ATP6V1G1: variants seen among roughly 807,000 people sequenced by gnomAD.
ATP6V1G1 encodes ATPase H+ transporting V1 subunit G1.
In ATP6V1G1, 14 loss-of-function variants were observed where a neutral mutation model predicts 14.2. That is an observed-to-expected ratio of 0.99 (90% CI 0.65 to 1.55). ATP6V1G1 has a LOEUF of 1.55. Ranked by LOEUF, ATP6V1G1 falls within the 40% of genes most tolerant of loss-of-function variation. The pLI, the probability that ATP6V1G1 is intolerant of heterozygous loss-of-function variation, is 0.00. For missense variants in ATP6V1G1, 137 were observed against 146.4 expected, an observed-to-expected ratio of 0.94 and a Z score of 0.33; for synonymous variants, 65 against 53.3, an observed-to-expected ratio of 1.22 and a Z score of -0.96.
At position 114,598,778 on chromosome 9, in the gene ATP6V1G1, T is replaced by A. The variant is rs1340783229; in HGVS notation, c.*1035T>A. On this transcript the variant is annotated 3_prime_UTR_variant, in exon 3 of 3. Coordinates refer to ENST00000374050, the MANE Select transcript of ATP6V1G1 (RefSeq NM_004888.4). ...GCCATCTTAGCCGAAAGTCTTTGGT[T>A]GCAAAATCTTATAGGTAAAAACAGT... Among the ~76,000 whole-genome samples, 1 of 152,188 alleles carries A rather than the reference T, an allele frequency of 6.6e-6. No individual in the cohort carries two copies. The highest frequency in any genetic ancestry group is 2.4e-5 in the African/African-American group (1 of 41,442).
rs549762322 is a variant in ATP6V1G1 at position 114,598,253 on chromosome 9, A to G, written c.*510A>G. 28 of 152,746 alleles carry G rather than the reference A, an allele frequency of 1.8e-4. No homozygotes were observed. The highest frequency in any genetic ancestry group is 2.9e-5 in the Non-Finnish European group (2 of 68,030). 9.5% of individuals were successfully genotyped at this position (152,746 alleles called of 1,614,324 possible). A position where few individuals can be genotyped will look rare whatever the true frequency, so the allele number is the denominator to read the frequency against. ...GGTTAGAACAGTGAATACTAGTGGA[A>G]TTGTTTGGGCTGCTTTTAGTTTCTC... On this transcript the variant is annotated 3_prime_UTR_variant, in exon 3 of 3. Coordinates refer to ENST00000374050, the MANE Select transcript of ATP6V1G1 (RefSeq NM_004888.4).
intron 1 of ATP6V1G1, among the ~76,000 whole-genome samples, chr9:114,588,518 T>TGTG (rs918738274): frequency 2.8e-5 from 4 of 141,186 alleles, no homozygotes; most frequent in African/African-American, 1.2e-4. Flanking sequence ...GCAGTGTGTG[T>TGTG]GTGTGTGTGT....
intron 1 of ATP6V1G1, among the ~76,000 whole-genome samples, chr9:114,590,210 AAAAC>A (rs1163737258): frequency 1.3e-5 from 2 of 151,416 alleles, no homozygotes; most frequent in African/African-American, 4.8e-5. Flanking sequence ...AAAAAAAAAA[AAAAC>A]AAAAAACAAA....
Position 114,592,605 on chromosome 9 carries a change from C to T in ATP6V1G1, c.136C>T (p.Gln46Ter), listed in dbSNP as rs1236485430. 2 of 1,577,586 alleles carry T rather than the reference C, an allele frequency of 1.3e-6. No homozygotes were observed. Among genetic ancestry groups the T allele is most frequent in the Admixed American group, 3.7e-5 (2 of 54,774 alleles). ...AGAAGAAGCTCAGGCTGAAATTGAA[C>T]AGTACCGCCTGCAGAGGGAGAAAGA... ...AKEEAQAEIEQYRLQREKEFK... is the reference protein window; with the variant it reads ...AKEEAQAEIE Residue 46 changes from glutamine to a stop codon, truncating the protein, a stop_gained, in exon 2 of 3, where the codon CAG becomes TAG. Transcript: ENST00000374050. LOFTEE classifies it high-confidence loss of function.
At chr9:114,593,342 C>T (rs1428555993) in intron 2 of ATP6V1G1, among the ~76,000 whole-genome samples, 1 of 152,114 alleles carries the variant, frequency 6.6e-6, no homozygotes, top group African/African-American at 2.4e-5. Context: ...ATGCTCAGGA[C>T]TTTCTCTCAC....
chr9:114,597,449 T>G, intron 2 of ATP6V1G1, 121 bp from the exon 3 acceptor site: 4 of 1,009,922 alleles, frequency 4.0e-6, no homozygotes, highest in South Asian at 3.1e-5. Context: ...TGCCAGCTTC[T>G]GAGTATACTG....
intron 1 of ATP6V1G1, among the ~76,000 whole-genome samples, chr9:114,590,376 G>T: frequency 6.6e-6 from 1 of 151,442 alleles, no homozygotes; most frequent in Non-Finnish European, 1.5e-5. Context: ...TGTGCCTCAG[G>T]CTCCCAAGTA....
At chr9:114,590,146 G>A (rs956608914) in intron 1 of ATP6V1G1, among the ~76,000 whole-genome samples, 5 of 151,150 alleles carry the variant, frequency 3.3e-5, no homozygotes, top group South Asian at 2.1e-4. Flanking sequence ...TGCAGTGAGC[G>A]GAGATCTGTC....
intron 2 of ATP6V1G1, among the ~76,000 whole-genome samples, chr9:114,595,303 G>A (rs984379245): frequency 6.6e-6 from 1 of 152,170 alleles, no homozygotes; most frequent in Admixed American, 6.5e-5. Flanking sequence ...GTTAGCAACT[G>A]AGCTGTTAAT....
In ATP6V1G1 at chr9:114,597,848, T is replaced by C; in HGVS notation, c.*105T>C. 9.4e-7 allele frequency: 1 copy of C among 1,066,870 alleles called. No homozygotes were observed. The allele number at this position is 1,066,870 out of a possible 1,614,324, so 66.1% of individuals were successfully genotyped here. On this transcript the variant is annotated 3_prime_UTR_variant, in exon 3 of 3. Coordinates refer to ENST00000374050, the MANE Select transcript of ATP6V1G1 (RefSeq NM_004888.4). ...TCTTATGATATGGCATTAAATTATTTCCATATATTATATAATAGGTCCTTC... is the reference window on the plus strand; with the variant it reads ...TCTTATGATATGGCATTAAATTATTCCCATATATTATATAATAGGTCCTTC...
rs1845256729 is a variant in ATP6V1G1, at chr9:114,597,860, A to G, written c.*117A>G. On this transcript the variant is annotated 3_prime_UTR_variant, in exon 3 of 3. Transcript: ENST00000374050. ...GCATTAAATTATTTCCATATATTATATAATAGGTCCTTCCACTTTTTGGAG... is the reference window on the plus strand; with the variant it reads ...GCATTAAATTATTTCCATATATTATGTAATAGGTCCTTCCACTTTTTGGAG... The G allele has an allele frequency of 1.0e-6, 1 of 959,770 alleles. No homozygotes were observed. Among genetic ancestry groups the G allele is most frequent in the African/African-American group, 1.7e-5 (1 of 58,778 alleles). The allele number at this position is 959,770 out of a possible 1,614,324, so 59.5% of individuals were successfully genotyped here. A position where few individuals can be genotyped will look rare whatever the true frequency, so the allele number is the denominator to read the frequency against.
chr9:114,593,680 G>C (rs1369258892), intron 2 of ATP6V1G1, among the ~76,000 whole-genome samples: 1 of 150,966 alleles, frequency 6.6e-6, no homozygotes, highest in African/African-American at 2.4e-5. Context: ...TTTTGTTTTT[G>C]TAGAGATAGG....
chr9:114,589,517 A>G (rs1309803326), intron 1 of ATP6V1G1, among the ~76,000 whole-genome samples: 1 of 152,168 alleles, frequency 6.6e-6, no homozygotes, highest in Non-Finnish European at 1.5e-5. Context: ...GATTTCAAGC[A>G]TGTCTCCTCT....
chr9:114,596,986 C>CTTTTT (rs71367785), intron 2 of ATP6V1G1, among the ~76,000 whole-genome samples: 113 of 104,556 alleles, frequency 1.1e-3, no homozygotes, highest in East Asian at 3.3e-3. Context: ...ATAGCAGATT[C>CTTTTT]TTTTTTTTTT....
At chr9:114,590,650 T>C (rs1374011547) in intron 1 of ATP6V1G1, among the ~76,000 whole-genome samples, 2 of 151,880 alleles carry the variant, frequency 1.3e-5, no homozygotes, top group Non-Finnish European at 2.9e-5. Flanking sequence ...AATTTGCCTT[T>C]CTTGATTTAT....
In ATP6V1G1 at chr9:114,597,621, G is replaced by C. The variant is rs1554754433; in HGVS notation, c.235G>C (p.Glu79Gln). Residue 79 changes from glutamate to glutamine, a missense_variant, in exon 3 of 3, where the codon GAG becomes CAG. Coordinates refer to ENST00000374050, the MANE Select transcript of ATP6V1G1 (RefSeq NM_004888.4). ...CACTGAAGTGGAGAAGGAGACCCAG[G>C]AGAAGATGACCATCCTCCAGACATA... Reference protein sequence around the residue: ...CSTEVEKETQEKMTILQTYFR... With the variant: ...CSTEVEKETQQKMTILQTYFR... 6.3e-7 allele frequency: 1 copy of C among 1,582,530 alleles called. No individual in the cohort carries two copies. Among genetic ancestry groups the C allele is most frequent in the African/African-American group, 1.4e-5 (1 of 73,098 alleles).
In ATP6V1G1 at chr9:114,598,549, G is replaced by A. The variant is rs1845267422; in HGVS notation, c.*806G>A. ...ATATACATAATTAGAAAATGTTCCTGATACATGTGTCATGTGATTTCTTCC... is the reference window on the plus strand; with the variant it reads ...ATATACATAATTAGAAAATGTTCCTAATACATGTGTCATGTGATTTCTTCC... On this transcript the variant is annotated 3_prime_UTR_variant, in exon 3 of 3. Coordinates refer to ENST00000374050, the MANE Select transcript of ATP6V1G1 (RefSeq NM_004888.4). Among the ~76,000 whole-genome samples, 1 of 152,168 alleles carries A rather than the reference G, an allele frequency of 6.6e-6. No homozygotes were observed. Among genetic ancestry groups the A allele is most frequent in the Non-Finnish European group, 1.5e-5 (1 of 68,036 alleles).
At chr9:114,593,041 C>T (rs550880857) in intron 2 of ATP6V1G1, among the ~76,000 whole-genome samples, 9 of 152,040 alleles carry the variant, frequency 5.9e-5, no homozygotes, top group African/African-American at 1.2e-4. Flanking sequence ...AATGCTGTGA[C>T]GGTCATAAAC....
intron 2 of ATP6V1G1, among the ~76,000 whole-genome samples, chr9:114,595,079 G>T (rs1276710129): frequency 6.6e-6 from 1 of 150,862 alleles, no homozygotes; most frequent in African/African-American, 2.4e-5. Flanking sequence ...TGTTGGCCAG[G>T]CTGGTCTTGA....
Sources: gnomAD v4.1 joint callset for allele counts (sites outside exome capture counted in the v4.1 genomes callset) on GRCh38, gnomAD v4.1.1 for gene constraint, MANE v1.5 for transcripts, NCBI Gene and HGNC (gene_info 2026-07-23, HGNC 2026-07-21) for gene names.